Variants in USP48 observed in about 807,000 individuals in gnomAD.
USP48 encodes ubiquitin carboxyl-terminal hydrolase 48.
A neutral mutation model predicts 150.7 loss-of-function variants in USP48; 43 were observed. The ratio of observed to expected loss-of-function variants is 0.29; its 90% CI spans 0.22 to 0.37. The LOEUF (loss-of-function observed/expected upper bound fraction) is 0.37. USP48 is among the 10% of genes least tolerant of loss of function. The pLI, the probability that USP48 is intolerant of heterozygous loss-of-function variation, is 1.00. For missense variants in USP48, 813 were observed against 1,249.6 expected (o/e 0.65, Z 5.27); for synonymous variants, 396 against 425.9 (o/e 0.93, Z 0.86).
At chr1:21,729,067 G>A (rs2097748515) in intron 10 of USP48, among the ~76,000 whole-genome samples, 1 of 152,096 alleles carries the variant, frequency 6.6e-6, no homozygotes, top group Non-Finnish European at 1.5e-5. Flanking sequence ...GGTGGATCGT[G>A]AGGTCAAGAA....
At chr1:21,684,477 T>G (rs919378980) in intron 25 of USP48, among the ~76,000 whole-genome samples, 8 of 152,196 alleles carry the variant, frequency 5.3e-5, no homozygotes, top group African/African-American at 1.9e-4. Context: ...GAGATTATAT[T>G]TTCTCCCATT....
chr1:21,690,184 T>A, intron 23 of USP48, 85 bp from the exon 24 acceptor site: 1 of 1,212,276 alleles, frequency 8.2e-7, no homozygotes, highest in Non-Finnish European at 1.1e-6. Context: ...GCATGGATTC[T>A]TAAAAAAAAA....
rs761986641 is a variant in USP48, at chr1:21,695,145, C to T, written c.2804G>A (p.Ser935Asn). ...ACCACGAACTTTTCTATGTCGCATACTTCGGCGAATAACTTGCTTTTGATA... is the reference window on the plus strand; with the variant it reads ...ACCACGAACTTTTCTATGTCGCATATTTCGGCGAATAACTTGCTTTTGATA... ...IAYQKQVIRR[S>N]MRHRKVRGEK... The change falls in exon 23 of 27, where the codon AGT becomes AAT. Residue 935 changes from serine to asparagine, a missense_variant. Physicochemically the swap from Ser to Asn is conservative, Grantham distance 46. Transcript: ENST00000308271. 1 of 1,613,704 alleles carries T rather than the reference C, an allele frequency of 6.2e-7. No homozygotes were observed. The highest frequency in any genetic ancestry group is 2.2e-5 in the East Asian group (1 of 44,818).
intron 8 of USP48, among the ~76,000 whole-genome samples, chr1:21,742,499 G>C (rs333175): frequency 4.4e-4 from 66 of 149,860 alleles, no homozygotes; most frequent in African/African-American, 1.6e-3. Context: ...AGCCAAGATC[G>C]CGGCACTGCA....
Position 21,782,990 on chromosome 1 carries a change from ACCGCCGCAGCCG to A in USP48, c.-45_-34del. On this transcript the variant is annotated 5_prime_UTR_variant, in exon 1 of 27. Transcript: ENST00000308271. ...GCCCCAGGAACGCCTCCCGAGCCAG[ACCGCCGCAGCCG>A]CCGCCGCGGTCTGCACCGCCGCCCC... 1 of 1,494,572 alleles carries A rather than the reference ACCGCCGCAGCCG, an allele frequency of 6.7e-7. No individual in the cohort carries two copies. Among genetic ancestry groups the A allele is most frequent in the Non-Finnish European group, 8.9e-7 (1 of 1,129,682 alleles). 92.6% of individuals were successfully genotyped at this position (1,494,572 alleles called of 1,614,324 possible).
At chr1:21,714,082 CAGGGATAAGAA>C (rs2097697644) in intron 15 of USP48, among the ~76,000 whole-genome samples, 1 of 152,146 alleles carries the variant, frequency 6.6e-6, no homozygotes, top group Non-Finnish European at 1.5e-5. Flanking sequence ...CAATGTGCAT[CAGGGATAAGAA>C]TGAGACATCA....
At chr1:21,679,478 TAC>T (rs778254076) in intron 26 of USP48, 39 bp from the exon 27 acceptor site, 1 of 1,612,700 alleles carries the variant, frequency 6.2e-7, no homozygotes, top group Non-Finnish European at 8.5e-7. Context: ...AGTTGTGAAC[TAC>T]AGATTAAAAG....
At chr1:21,764,219 C>T (rs1466544032) in intron 1 of USP48, among the ~76,000 whole-genome samples, 1 of 152,076 alleles carries the variant, frequency 6.6e-6, no homozygotes, top group Non-Finnish European at 1.5e-5. Flanking sequence ...AGGCAGATCA[C>T]TTGAGGCCAG....
Position 21,699,814 on chromosome 1 carries a change from C to CCACACACACACACA in USP48, c.2727+1670_2727+1683dup, listed in dbSNP as rs10660046. Among the ~76,000 whole-genome samples, 476 of 149,262 alleles carry CCACACACACACACA rather than the reference C, an allele frequency of 3.2e-3. 3 individuals carry two copies. Among genetic ancestry groups the CCACACACACACACA allele is most frequent in the African/African-American group, 0.011 (447 of 40,676 alleles). On this transcript the variant is annotated intron_variant, in intron 22 of 26. Transcript: ENST00000308271. ...TACAGGCGTGAGCCACTGCGCCTGGCCACACACACACACACACACTTTTAA... is the reference window on the plus strand; with the variant it reads ...TACAGGCGTGAGCCACTGCGCCTGGCCACACACACACACACACACACACACACACACACTTTTAA...
rs926144389 is a variant in USP48, at chr1:21,768,857, C to T, written c.135-11074G>A. 3.9e-5 allele frequency among the ~76,000 whole-genome samples: 6 copies of T among 152,010 alleles called. No individual in the cohort carries two copies. The East Asian group carries it at 1.2e-3, about 29-fold the overall frequency. On this transcript the variant is annotated intron_variant, in intron 1 of 26. Coordinates refer to ENST00000308271, the MANE Select transcript of USP48 (RefSeq NM_032236.8). ...TTCTGTTGCCCAGGCTGTGGTGCAG[C>T]AGTAAAATCATAGCTCACTGCAGCC...
chr1:21,696,676 G>A lies in USP48; in HGVS notation c.2728-1455C>T, dbSNP rs193048700. ...AGGACACTGTCTTTATTTTTAGAGG[G>A]GAAATGTCATGATGGCCATGACTAC... is the stretch of plus-strand genomic sequence containing the variant. On this transcript the variant is annotated intron_variant, in intron 22 of 26. Transcript: ENST00000308271. 2.6e-5 allele frequency among the ~76,000 whole-genome samples: 4 copies of A among 151,994 alleles called. No homozygotes were observed. The East Asian group carries it at 7.7e-4, about 29-fold the overall frequency.
At chr1:21,765,382 G>A (rs1168560120) in intron 1 of USP48, among the ~76,000 whole-genome samples, 4 of 152,108 alleles carry the variant, frequency 2.6e-5, no homozygotes, top group African/African-American at 9.7e-5. Context: ...TTGGGAGGTC[G>A]AGGCAGGCGG....
intron 23 of USP48, 73 bp from the exon 24 acceptor site, chr1:21,690,172 A>T: frequency 4.6e-6 from 6 of 1,315,708 alleles, no homozygotes; most frequent in Non-Finnish European, 5.1e-6. Context: ...TAAATAAATT[A>T]TGCATGGATT....
At chr1:21,686,971 C>G (rs2097581932) in intron 25 of USP48, 2 of 558,548 alleles carry the variant, frequency 3.6e-6, no homozygotes, top group East Asian at 3.1e-5. Context: ...AGGCAGAGCT[C>G]ACATTTATTT....
At chr1:21,699,130 A>T (rs1006547913) in intron 22 of USP48, among the ~76,000 whole-genome samples, 2 of 149,714 alleles carry the variant, frequency 1.3e-5, no homozygotes, top group Non-Finnish European at 3.0e-5. Flanking sequence ...CCCAGGTTGA[A>T]GCAATTCTCA....
At chr1:21,701,430 G>C in intron 22 of USP48, 68 bp downstream of exon 22, 1 of 1,360,104 alleles carries the variant, frequency 7.4e-7, no homozygotes, top group Non-Finnish European at 1.0e-6. Context: ...ACATGGCCAG[G>C]GGCTTCGAGT....
intron 1 of USP48, among the ~76,000 whole-genome samples, chr1:21,778,601 T>TAAAAAAAAAAA (rs35911894): frequency 1.1e-5 from 1 of 88,914 alleles, no homozygotes. Flanking sequence ...ACCCTCATCT[T>TAAAAAAAAAAA]AAAAAAAAAA....
At chr1:21,737,724 T>C (rs570985310) in intron 8 of USP48, among the ~76,000 whole-genome samples, 2 of 152,154 alleles carry the variant, frequency 1.3e-5, no homozygotes. Flanking sequence ...ACAAATAATA[T>C]CTTTTCACAT....
intron 2 of USP48, chr1:21,756,953 G>A (rs752176947): frequency 3.9e-5 from 38 of 985,220 alleles, no homozygotes; most frequent in Non-Finnish European, 4.5e-5. Flanking sequence ...GTCTTCTCCA[G>A]CCACTTAAAT....
Sources: allele counts gnomAD v4.1 joint callset (sites outside exome capture counted in the v4.1 genomes callset), GRCh38; gene constraint gnomAD v4.1.1; transcripts MANE v1.5; gene names NCBI Gene and HGNC (gene_info 2026-07-23, HGNC 2026-07-21).